The following ADCY8 variants were observed in gnomAD, a reference collection of about 807,000 sequenced individuals.
ADCY8 encodes adenylate cyclase 8.
ADCY8 carries 51 observed loss-of-function variants against 119.7 expected under a neutral mutation model. That is an observed-to-expected ratio of 0.43 (90% confidence interval 0.34 to 0.54). The LOEUF (loss-of-function observed/expected upper bound fraction) is 0.54, where lower values mean the gene tolerates loss of function less well. ADCY8 is among the 20% of genes least tolerant of loss of function. ADCY8 has a pLI of 0.03. For synonymous variants in ADCY8, 665 were observed against 651.0 expected, an observed-to-expected ratio of 1.02 and a Z score of -0.33; for missense variants, 1,383 against 1,598.8, an observed-to-expected ratio of 0.87 and a Z score of 2.30.
At chr8:130,856,054 G>C (rs72712482) in intron 9 of ADCY8, among the ~76,000 whole-genome samples, 14,161 of 151,934 alleles carry the variant, frequency 0.093, 701 homozygotes, top group African/African-American at 0.11. Context: ...TCTATTTCCA[G>C]CCCTTCCTCC....
At chr8:130,826,678 G>A (rs1816676705) in intron 12 of ADCY8, among the ~76,000 whole-genome samples, 2 of 152,012 alleles carry the variant, frequency 1.3e-5, no homozygotes, top group African/African-American at 4.8e-5. Context: ...TCTGCAGCCT[G>A]GAGACCTCTG....
intron 7 of ADCY8, among the ~76,000 whole-genome samples, chr8:130,885,520 G>A (rs1197019965): frequency 6.6e-6 from 1 of 152,060 alleles, no homozygotes; most frequent in Non-Finnish European, 1.5e-5. Flanking sequence ...AAACTGCATT[G>A]GCTTACGAAG....
At chr8:131,002,224 A>G in intron 1 of ADCY8, among the ~76,000 whole-genome samples, 1 of 152,218 alleles carries the variant, frequency 6.6e-6, no homozygotes, top group Admixed American at 6.5e-5. Flanking sequence ...TAACACAATC[A>G]TTACTCAATA....
At chr8:131,038,311 C>A (rs536018869) in intron 1 of ADCY8, among the ~76,000 whole-genome samples, 1 of 152,120 alleles carries the variant, frequency 6.6e-6, no homozygotes, top group Non-Finnish European at 1.5e-5. Flanking sequence ...AACGACAGAG[C>A]AGGCCCATAC....
At chr8:130,923,913 T>C (rs771319468) in intron 5 of ADCY8, among the ~76,000 whole-genome samples, 4 of 152,226 alleles carry the variant, frequency 2.6e-5, no homozygotes, top group Admixed American at 2.0e-4. Context: ...TAGGGCTTAT[T>C]ATCTTGTTAT....
intron 4 of ADCY8, among the ~76,000 whole-genome samples, chr8:130,938,642 T>G (rs1045068099): frequency 6.6e-6 from 1 of 152,166 alleles, no homozygotes; most frequent in Non-Finnish European, 1.5e-5. Flanking sequence ...CACCAGGAGT[T>G]GGACATTATG....
intron 7 of ADCY8, among the ~76,000 whole-genome samples, chr8:130,898,576 C>T (rs558686338): frequency 9.2e-5 from 14 of 152,216 alleles, no homozygotes; most frequent in Admixed American, 3.3e-4. Context: ...AAAGGCCTAG[C>T]GGAGTAACAG....
chr8:130,928,423 G>T (rs928166135), intron 5 of ADCY8, among the ~76,000 whole-genome samples: 4 of 152,016 alleles, frequency 2.6e-5, no homozygotes, highest in African/African-American at 9.7e-5. Context: ...TCATATACAT[G>T]GCCTTTATTA....
intron 1 of ADCY8, among the ~76,000 whole-genome samples, chr8:131,014,967 C>A (rs1002442143): frequency 6.6e-6 from 1 of 152,056 alleles, no homozygotes; most frequent in Non-Finnish European, 1.5e-5. Context: ...ATTTATTGTA[C>A]AAAATGGGAC....
chr8:130,937,052 A>G (rs1335548827), intron 5 of ADCY8, 21 bp downstream of exon 5: 3 of 1,602,168 alleles, frequency 1.9e-6, no homozygotes, highest in Non-Finnish European at 1.7e-6. Flanking sequence ...CCCAGGTAAC[A>G]TGATGGGGAT....
At chr8:131,005,306 C>A (rs1411184) in intron 1 of ADCY8, among the ~76,000 whole-genome samples, 3 of 152,030 alleles carry the variant, frequency 2.0e-5, no homozygotes, top group African/African-American at 7.3e-5. Flanking sequence ...GTAAATATCC[C>A]AAAATGGCAG....
chr8:130,783,148 G>T lies in ADCY8; in HGVS notation c.3268+543C>A, dbSNP rs577652866. Among the ~76,000 whole-genome samples, 40 of 152,278 alleles carry T rather than the reference G, an allele frequency of 2.6e-4. 2 individuals carry two copies. In the South Asian group the frequency reaches 8.1e-3, roughly 31 times the overall value. ...CAAATATAAAGGATTATTATTGATT[G>T]CAGTGATTAATGTTACGTTGTTGCT... On this transcript the variant is annotated intron_variant, in intron 17 of 17. Coordinates refer to ENST00000286355, the MANE Select transcript of ADCY8 (RefSeq NM_001115.3).
chr8:130,876,355 T>C (rs1336357205), intron 8 of ADCY8, among the ~76,000 whole-genome samples: 2 of 152,078 alleles, frequency 1.3e-5, no homozygotes, highest in African/African-American at 2.4e-5. Context: ...CCGGCCGGGT[T>C]TGATTGTTCT....
At chr8:130,846,974 C>A (rs1055547325) in intron 11 of ADCY8, among the ~76,000 whole-genome samples, 9 of 148,948 alleles carry the variant, frequency 6.0e-5, no homozygotes. Context: ...TAATTCCCTC[C>A]CTCCCTCCCT....
intron 1 of ADCY8, among the ~76,000 whole-genome samples, chr8:130,997,911 G>T (rs1051751401): frequency 6.6e-6 from 1 of 152,152 alleles, no homozygotes; most frequent in African/African-American, 2.4e-5. Context: ...CAGAGTTGAT[G>T]TGCTAGGTGT....
chr8:130,862,240 A>G (rs1212142155), intron 9 of ADCY8, among the ~76,000 whole-genome samples: 2 of 152,106 alleles, frequency 1.3e-5, no homozygotes, highest in African/African-American at 4.8e-5. Context: ...TTACAAGATT[A>G]AATTGCTTTT....
intron 6 of ADCY8, among the ~76,000 whole-genome samples, chr8:130,907,778 T>C (rs1231754498): frequency 6.6e-6 from 1 of 152,224 alleles, no homozygotes; most frequent in Admixed American, 6.5e-5. Context: ...AGGTGGTATA[T>C]GTGCAGCTTT....
At chr8:131,008,603 A>G (rs1037421597) in intron 1 of ADCY8, among the ~76,000 whole-genome samples, 2 of 152,196 alleles carry the variant, frequency 1.3e-5, no homozygotes, top group African/African-American at 4.8e-5. Context: ...TAGTAGTGTG[A>G]GAACAGACTA....
chr8:131,017,869 C>A (rs1466520459), intron 1 of ADCY8, among the ~76,000 whole-genome samples: 3 of 152,132 alleles, frequency 2.0e-5, no homozygotes, highest in Admixed American at 1.3e-4. Context: ...AGGTTAGCAG[C>A]CTGCTCAGCT....
Sources: allele counts gnomAD v4.1 joint callset (sites outside exome capture counted in the v4.1 genomes callset), GRCh38; gene constraint gnomAD v4.1.1; transcripts MANE v1.5; gene names NCBI Gene and HGNC (gene_info 2026-07-23, HGNC 2026-07-21).